AKAP19: variants seen among roughly 807,000 people sequenced by gnomAD.
The protein encoded by AKAP19 is A-kinase anchoring protein 19, also known as small A-kinase anchoring protein.
chr2:190,005,122 G>C, the AKAP19 span, among the ~76,000 whole-genome samples: 3 of 152,168 alleles, frequency 2.0e-5, no homozygotes, highest in African/African-American at 4.8e-5. Context: ...GACCTTCCCA[G>C]TGAGTGTTAC....
At chr2:189,937,457 G>C in the AKAP19 span, among the ~76,000 whole-genome samples, 2 of 151,890 alleles carry the variant, frequency 1.3e-5, no homozygotes, top group Non-Finnish European at 2.9e-5. Flanking sequence ...ACAAACAAGA[G>C]AGCACCGAGA....
the AKAP19 span, among the ~76,000 whole-genome samples, chr2:190,122,445 T>C: frequency 1.3e-5 from 2 of 152,238 alleles, no homozygotes; most frequent in Non-Finnish European, 2.9e-5. Context: ...TCAAAACCAC[T>C]GTAGTTTATC....
At chr2:190,092,030 A>G in the AKAP19 span, among the ~76,000 whole-genome samples, 2 of 152,218 alleles carry the variant, frequency 1.3e-5, no homozygotes, top group Non-Finnish European at 2.9e-5. Flanking sequence ...ATCATTAAAC[A>G]TGACTATACT....
the AKAP19 span, among the ~76,000 whole-genome samples, chr2:190,114,057 A>C: frequency 6.6e-6 from 1 of 152,124 alleles, no homozygotes; most frequent in Non-Finnish European, 1.5e-5. Flanking sequence ...CTCTTAGGTT[A>C]CTATACCACC....
the AKAP19 span, among the ~76,000 whole-genome samples, chr2:189,960,248 G>T: frequency 6.6e-6 from 1 of 152,176 alleles, no homozygotes; most frequent in Non-Finnish European, 1.5e-5. Flanking sequence ...TAAGGTTTCT[G>T]AGGGAGAATA....
At chr2:190,002,490 T>C in the AKAP19 span, among the ~76,000 whole-genome samples, 2 of 152,032 alleles carry the variant, frequency 1.3e-5, no homozygotes, top group African/African-American at 2.4e-5. Context: ...CATGTATACA[T>C]ATGTAACAAA....
chr2:190,131,745 G>A, the AKAP19 span, among the ~76,000 whole-genome samples: 1 of 152,176 alleles, frequency 6.6e-6, no homozygotes, highest in Non-Finnish European at 1.5e-5. Flanking sequence ...CTGTGGGATA[G>A]TATCAGAATT....
chr2:189,976,562 C>T, the AKAP19 span, among the ~76,000 whole-genome samples: 1 of 152,256 alleles, frequency 6.6e-6, no homozygotes, highest in Non-Finnish European at 1.5e-5. Context: ...TTGGCCATCT[C>T]CTGCCCCCTG....
chr2:190,147,633 T>A, the AKAP19 span, among the ~76,000 whole-genome samples: 1 of 151,066 alleles, frequency 6.6e-6, no homozygotes, highest in East Asian at 2.0e-4. Context: ...TTCATGAGCA[T>A]GGGATGTGTT....
chr2:190,189,241 AG>A, the AKAP19 span, among the ~76,000 whole-genome samples: 1 of 152,218 alleles, frequency 6.6e-6, no homozygotes, highest in African/African-American at 2.4e-5. Flanking sequence ...GATGGGACAG[AG>A]GTTCTATAAG....
At chr2:190,003,016 T>C in the AKAP19 span, among the ~76,000 whole-genome samples, 8 of 152,222 alleles carry the variant, frequency 5.3e-5, no homozygotes, top group African/African-American at 1.9e-4. Flanking sequence ...AGTTTTCTAG[T>C]TTTTCTCTTA....
the AKAP19 span, among the ~76,000 whole-genome samples, chr2:189,927,818 A>G: frequency 2.6e-5 from 4 of 152,202 alleles, no homozygotes; most frequent in Non-Finnish European, 4.4e-5. Context: ...ATTTAAATAA[A>G]TTAAATACAT....
chr2:189,950,033 T>TTTG, the AKAP19 span, among the ~76,000 whole-genome samples: 9 of 142,098 alleles, frequency 6.3e-5, no homozygotes, highest in Non-Finnish European at 1.1e-4. Flanking sequence ...TTTGGGTTTT[T>TTTG]TTTTTTTTTT....
chr2:190,066,342 G>A, the AKAP19 span, among the ~76,000 whole-genome samples: 18 of 152,096 alleles, frequency 1.2e-4, no homozygotes, highest in African/African-American at 4.1e-4. Context: ...TTTTTCCAGT[G>A]TGAGATCTAC....
the AKAP19 span, among the ~76,000 whole-genome samples, chr2:189,977,291 C>T: frequency 1.3e-5 from 2 of 151,910 alleles, no homozygotes; most frequent in Admixed American, 6.5e-5. Context: ...ATGTAAGTAA[C>T]ATAGCCACTC....
chr2:190,135,720 A>G, the AKAP19 span, among the ~76,000 whole-genome samples: 1 of 152,200 alleles, frequency 6.6e-6, no homozygotes, highest in East Asian at 1.9e-4. Flanking sequence ...TATCTATTTC[A>G]AGAAGTTGTG....
At chr2:190,090,479 G>C in the AKAP19 span, among the ~76,000 whole-genome samples, 1 of 152,194 alleles carries the variant, frequency 6.6e-6, no homozygotes, top group Non-Finnish European at 1.5e-5. Flanking sequence ...TAGTGAGATA[G>C]CTTCAAAGCA....
the AKAP19 span, among the ~76,000 whole-genome samples, chr2:190,133,132 G>C: frequency 6.6e-6 from 1 of 150,822 alleles, no homozygotes; most frequent in Non-Finnish European, 1.5e-5. Flanking sequence ...CAGCTACTCG[G>C]GATGCTGAGG....
At chr2:189,959,997 G>A in the AKAP19 span, among the ~76,000 whole-genome samples, 1 of 152,020 alleles carries the variant, frequency 6.6e-6, no homozygotes, top group African/African-American at 2.4e-5. Context: ...ACACCAGTGA[G>A]CCACTTCTGC....
Sources: gnomAD v4.1 joint callset for allele counts (sites outside exome capture counted in the v4.1 genomes callset) on GRCh38, gnomAD v4.1.1 for gene constraint, MANE v1.5 for transcripts, NCBI Gene and HGNC (gene_info 2026-07-23, HGNC 2026-07-21) for gene names.